Variants in TENT4B observed in about 807,000 individuals in gnomAD.
TENT4B encodes the protein PAP associated domain containing 5.
Under a neutral mutation model 75.0 loss-of-function variants are expected in TENT4B, and 10 were observed. The observed-to-expected ratio is 0.13, with a 90% CI of 0.08 to 0.23. The LOEUF (loss-of-function observed/expected upper bound fraction) is 0.23, where lower values mean the gene tolerates loss of function less well. Ranked by LOEUF, TENT4B falls within the 10% of genes least tolerant of loss-of-function variation. TENT4B has a pLI of 1.00. For missense variants in TENT4B, 579 were observed against 893.8 expected (o/e 0.65, Z 4.49); for synonymous variants, 350 against 357.7 (o/e 0.98, Z 0.24).
At chr16:50,169,406 TTTTTTTTG>T in intron 1 of TENT4B, among the ~76,000 whole-genome samples, 1 of 146,628 alleles carries the variant, frequency 6.8e-6, no homozygotes, top group African/African-American at 2.6e-5. Context: ...TTTTTTTTTT[TTTTTTTTG>T]CAAAAATGCA....
intron 6 of TENT4B, 31 bp downstream of exon 6, chr16:50,222,465 A>G: frequency 1.2e-6 from 2 of 1,600,356 alleles, no homozygotes; most frequent in South Asian, 2.3e-5. Flanking sequence ...ATGCTAGTGC[A>G]CACTAAAAGC....
chr16:50,216,862 T>A (rs1016040302), intron 4 of TENT4B, among the ~76,000 whole-genome samples: 5 of 152,188 alleles, frequency 3.3e-5, no homozygotes, highest in Non-Finnish European at 7.3e-5. Flanking sequence ...CTCCCTGTGT[T>A]GCCCAAGTTA....
intron 5 of TENT4B, 86 bp downstream of exon 5, chr16:50,217,749 T>G (rs2031631570): frequency 1.4e-6 from 1 of 699,330 alleles, no homozygotes; most frequent in Non-Finnish European, 2.3e-6. Flanking sequence ...TATTTTTATA[T>G]GCATGTTGCT....
chr16:50,203,051 C>T (rs965782137), intron 1 of TENT4B, among the ~76,000 whole-genome samples: 2 of 152,160 alleles, frequency 1.3e-5, no homozygotes, highest in African/African-American at 4.8e-5. Context: ...GACACATAGA[C>T]GAGTATCCAT....
At chr16:50,185,486 A>G (rs746901530) in intron 1 of TENT4B, among the ~76,000 whole-genome samples, 3 of 152,168 alleles carry the variant, frequency 2.0e-5, no homozygotes, top group Non-Finnish European at 4.4e-5. Context: ...TCTTTATGGT[A>G]AGTTCTGGAA....
In TENT4B at chr16:50,153,699, G is replaced by T. The variant is rs1478938681; in HGVS notation, c.78G>T (p.Thr26=). Residue 26 remains threonine (T), a synonymous_variant, in exon 1 of 12, where the codon ACG becomes ACT. Coordinates refer to ENST00000561678, the MANE Select transcript of TENT4B (RefSeq NM_001365324.3). ...GTCTGTGGATGCAGATCTGGGAGACGACCCAGGGGCTGAGGAACCTCTACT... is the reference window on the plus strand; with the variant it reads ...GTCTGTGGATGCAGATCTGGGAGACTACCCAGGGGCTGAGGAACCTCTACT... The part of the protein sequence containing the change: ...SNSLWMQIWE[T]TQGLRNLYFN... 5 of 1,031,764 alleles carry T rather than the reference G, an allele frequency of 4.8e-6. No individual in the cohort carries two copies. The highest frequency in any genetic ancestry group is 1.7e-4 in the East Asian group (2 of 11,818). 63.9% of individuals were successfully genotyped at this position (1,031,764 alleles called of 1,614,324 possible). A position where few individuals can be genotyped will look rare whatever the true frequency, so the allele number is the denominator to read the frequency against.
chr16:50,216,404 C>T lies in TENT4B; in HGVS notation c.930+209C>T, dbSNP rs575202663. Reference sequence around the variant, plus strand: ...CGGCTCACTACAACCTGTGCCTCCTCGGCTCAAGTGATCCTTCTACCTCAG... The same window carrying T: ...CGGCTCACTACAACCTGTGCCTCCTTGGCTCAAGTGATCCTTCTACCTCAG... On this transcript the variant is annotated intron_variant, in intron 4 of 11. Coordinates refer to ENST00000561678, the MANE Select transcript of TENT4B (RefSeq NM_001365324.3). 3.3e-5 allele frequency among the ~76,000 whole-genome samples: 5 copies of T among 152,332 alleles called. No individual in the cohort carries two copies. In the East Asian group the frequency reaches 5.8e-4, roughly 18 times the overall value.
chr16:50,234,111 A>T lies in TENT4B; in HGVS notation c.*4783A>T. Reference sequence around the variant, plus strand: ...TGGGGGAATGTTATTTATCTTAAAGATGCCTAGAAACAAAACGCATATAGT... The same window carrying T: ...TGGGGGAATGTTATTTATCTTAAAGTTGCCTAGAAACAAAACGCATATAGT... On this transcript the variant is annotated 3_prime_UTR_variant, in exon 12 of 12. Transcript: ENST00000561678. The T allele has an allele frequency of 1.0e-6, 1 of 985,486 alleles. No individual in the cohort carries two copies. 61.0% of individuals were successfully genotyped at this position (985,486 alleles called of 1,614,324 possible).
chr16:50,187,881 A>G (rs2038563874), intron 1 of TENT4B, among the ~76,000 whole-genome samples: 1 of 151,350 alleles, frequency 6.6e-6, no homozygotes, highest in Admixed American at 6.6e-5. Context: ...AAAAAAGAAG[A>G]AAAAAAAACC....
At chr16:50,210,803 C>A (rs2031239034) in intron 1 of TENT4B, among the ~76,000 whole-genome samples, 1 of 152,248 alleles carries the variant, frequency 6.6e-6, no homozygotes, top group South Asian at 2.1e-4. Flanking sequence ...CTGTACCTCG[C>A]AGGCTCTGGA....
chr16:50,210,393 C>A (rs1051152354), intron 1 of TENT4B, among the ~76,000 whole-genome samples: 4 of 152,208 alleles, frequency 2.6e-5, no homozygotes, highest in Non-Finnish European at 4.4e-5. Context: ...CTTAGCCCCC[C>A]ACCACCATGA....
chr16:50,180,472 C>T (rs962727035), intron 1 of TENT4B, among the ~76,000 whole-genome samples: 15 of 152,192 alleles, frequency 9.9e-5, no homozygotes, highest in African/African-American at 2.9e-4. Context: ...TTTGGGAGGC[C>T]GAGGTGGGCA....
chr16:50,154,924 G>T (rs891663698), intron 1 of TENT4B, among the ~76,000 whole-genome samples: 1 of 152,180 alleles, frequency 6.6e-6, no homozygotes, highest in East Asian at 1.9e-4. Context: ...TGACCACTAA[G>T]TTTAGGCTGG....
intron 1 of TENT4B, among the ~76,000 whole-genome samples, chr16:50,168,034 C>T (rs990950211): frequency 6.6e-6 from 1 of 151,542 alleles, no homozygotes; most frequent in African/African-American, 2.4e-5. Context: ...ATCCAGTTGT[C>T]CCAGAACCAT....
At chr16:50,192,395 C>G (rs2029911083) in intron 1 of TENT4B, among the ~76,000 whole-genome samples, 1 of 152,092 alleles carries the variant, frequency 6.6e-6, no homozygotes, top group Non-Finnish European at 1.5e-5. Context: ...CTTCTAAAAA[C>G]TTTAATTCTA....
intron 1 of TENT4B, among the ~76,000 whole-genome samples, chr16:50,166,423 A>T (rs2038102038): frequency 6.6e-6 from 1 of 152,222 alleles, no homozygotes; most frequent in African/African-American, 2.4e-5. Flanking sequence ...ATTATAGCCA[A>T]TCTAGTGGGT....
At chr16:50,159,607 A>C (rs1430561090) in intron 1 of TENT4B, among the ~76,000 whole-genome samples, 1 of 152,182 alleles carries the variant, frequency 6.6e-6, no homozygotes, top group Non-Finnish European at 1.5e-5. Flanking sequence ...CAAAGCAATC[A>C]GACAGATTAA....
At chr16:50,161,774 A>C (rs1352821179) in intron 1 of TENT4B, among the ~76,000 whole-genome samples, 1 of 152,246 alleles carries the variant, frequency 6.6e-6, no homozygotes, top group Non-Finnish European at 1.5e-5. Context: ...GTCAAGAACC[A>C]GGAAATTGTC....
chr16:50,210,463 G>A (rs1367830684), intron 1 of TENT4B, among the ~76,000 whole-genome samples: 1 of 152,286 alleles, frequency 6.6e-6, no homozygotes, highest in East Asian at 1.9e-4. Context: ...TGTTTCTGGA[G>A]CCCATTCCTT....
Sources: gnomAD v4.1 joint callset for allele counts (sites outside exome capture counted in the v4.1 genomes callset) on GRCh38, gnomAD v4.1.1 for gene constraint, MANE v1.5 for transcripts, NCBI Gene and HGNC (gene_info 2026-07-23, HGNC 2026-07-21) for gene names.